Variants in MGAT4C observed in about 807,000 individuals in gnomAD.
The protein encoded by MGAT4C is MGAT4 family member C.
A neutral mutation model predicts 40.1 loss-of-function variants in MGAT4C; 19 were observed. That is an observed-to-expected ratio of 0.47 (90% CI 0.33 to 0.70). The LOEUF (loss-of-function observed/expected upper bound fraction) is 0.70, where lower values mean the gene tolerates loss of function less well. Ranked by LOEUF, MGAT4C falls within the 30% of genes least tolerant of loss-of-function variation. The pLI, the probability that MGAT4C is intolerant of heterozygous loss-of-function variation, is 0.02. For missense variants in MGAT4C, 491 were observed against 563.2 expected (o/e 0.87, Z 1.30); for synonymous variants, 181 against 187.1 (o/e 0.97, Z 0.27).
intron 1 of MGAT4C, among the ~76,000 whole-genome samples, chr12:86,115,531 A>C (rs1878268415): frequency 1.3e-5 from 2 of 152,124 alleles, no homozygotes; most frequent in Admixed American, 1.3e-4. Flanking sequence ...TTGATTATAG[A>C]GAACATTAAC....
intron 2 of MGAT4C, among the ~76,000 whole-genome samples, chr12:86,494,083 AC>A (rs562285790): frequency 2.8e-4 from 43 of 152,112 alleles, no homozygotes; most frequent in African/African-American, 9.9e-4. Context: ...AAGATGTAAA[AC>A]CTTTCATTCA....
intron 1 of MGAT4C, among the ~76,000 whole-genome samples, chr12:86,199,941 T>G (rs1048960054): frequency 1.3e-5 from 2 of 152,010 alleles, no homozygotes; most frequent in African/African-American, 4.8e-5. Flanking sequence ...TTTTGACACA[T>G]GAATGCACAG....
At chr12:86,242,846 C>G (rs551901899) in intron 1 of MGAT4C, among the ~76,000 whole-genome samples, 1 of 152,236 alleles carries the variant, frequency 6.6e-6, no homozygotes, top group South Asian at 2.1e-4. Context: ...CCTATGGGCT[C>G]TAATGGCTCT....
chr12:86,234,016 A>C (rs1409647711), intron 1 of MGAT4C, among the ~76,000 whole-genome samples: 1 of 152,140 alleles, frequency 6.6e-6, no homozygotes, highest in Non-Finnish European at 1.5e-5. Context: ...ATTTGATATT[A>C]ATTTATTTTA....
chr12:86,507,238 G>A (rs899915510), intron 2 of MGAT4C, among the ~76,000 whole-genome samples: 2 of 152,094 alleles, frequency 1.3e-5, no homozygotes, highest in Non-Finnish European at 2.9e-5. Context: ...TTTTACTTCC[G>A]AGAGTGGATA....
intron 2 of MGAT4C, among the ~76,000 whole-genome samples, chr12:86,596,061 C>T (rs548363857): frequency 6.6e-6 from 1 of 152,188 alleles, no homozygotes; most frequent in South Asian, 2.1e-4. Context: ...ACATATATCT[C>T]ATCTAAAACA....
At chr12:86,291,745 G>T (rs1953523717) in intron 4 of MGAT4C, among the ~76,000 whole-genome samples, 1 of 152,134 alleles carries the variant, frequency 6.6e-6, no homozygotes, top group African/African-American at 2.4e-5. Flanking sequence ...GTGCAAAAGT[G>T]ATGGCAAAAC....
At chr12:86,548,951 C>G (rs1478614744) in intron 2 of MGAT4C, among the ~76,000 whole-genome samples, 1 of 152,132 alleles carries the variant, frequency 6.6e-6, no homozygotes, top group African/African-American at 2.4e-5. Flanking sequence ...TAACCTGGCT[C>G]TACTGCTAAC....
At chr12:86,324,900 T>G (rs914868307) in intron 4 of MGAT4C, among the ~76,000 whole-genome samples, 1 of 152,138 alleles carries the variant, frequency 6.6e-6, no homozygotes, top group Non-Finnish European at 1.5e-5. Context: ...AATAACCACT[T>G]CCTAATGATT....
upstream of MGAT4C, chr12:86,838,889 A>G (rs909786309): frequency 6.6e-6 from 1 of 152,222 alleles, no homozygotes; most frequent in Non-Finnish European, 1.5e-5. Flanking sequence ...TCCTGTGTGC[A>G]TAGAGCAGTG....
At chr12:86,522,086 CCCTTT>C in intron 2 of MGAT4C, among the ~76,000 whole-genome samples, 1 of 152,054 alleles carries the variant, frequency 6.6e-6, no homozygotes, top group East Asian at 1.9e-4. Flanking sequence ...AATTTGGATG[CCCTTT>C]ATCTCTTTCT....
At chr12:86,275,420 G>A (rs1953050173) in intron 4 of MGAT4C, among the ~76,000 whole-genome samples, 1 of 152,144 alleles carries the variant, frequency 6.6e-6, no homozygotes, top group African/African-American at 2.4e-5. Context: ...AATAATGAAT[G>A]TTAAGCAATC....
At chr12:86,119,754 G>T (rs1318143450) in intron 1 of MGAT4C, among the ~76,000 whole-genome samples, 1 of 147,206 alleles carries the variant, frequency 6.8e-6, no homozygotes, top group Non-Finnish European at 1.5e-5. Flanking sequence ...ATAGAAATAG[G>T]AGTCTTGCTA....
At chr12:86,494,064 A>G (rs1958190578) in intron 2 of MGAT4C, among the ~76,000 whole-genome samples, 1 of 152,062 alleles carries the variant, frequency 6.6e-6, no homozygotes, top group Non-Finnish European at 1.5e-5. Flanking sequence ...TGTAATCACC[A>G]TAACAATCAA....
At chr12:86,076,871 AG>A (rs2135531331) in intron 1 of MGAT4C, among the ~76,000 whole-genome samples, 1 of 152,270 alleles carries the variant, frequency 6.6e-6, no homozygotes, top group East Asian at 1.9e-4. Context: ...AGCCATCTGC[AG>A]GCTGAGGAGC....
chr12:86,327,471 G>T (rs1056719504), intron 4 of MGAT4C, among the ~76,000 whole-genome samples: 2 of 151,982 alleles, frequency 1.3e-5, no homozygotes, highest in Non-Finnish European at 2.9e-5. Context: ...CTTTCTTAAA[G>T]CTGTGTAAAC....
At chr12:86,806,245 A>G (rs1952350770) in intron 1 of MGAT4C, among the ~76,000 whole-genome samples, 1 of 151,918 alleles carries the variant, frequency 6.6e-6, no homozygotes, top group Admixed American at 6.6e-5. Flanking sequence ...TTTTATTAGA[A>G]TTTTTATCAA....
In MGAT4C at chr12:86,175,907, C is replaced by T. The variant is rs529434891; in HGVS notation, c.-57+80332G>A. Among the ~76,000 whole-genome samples the T allele has an allele frequency of 9.9e-5, 15 of 151,998 alleles. No individual in the cohort carries two copies. In the East Asian group the frequency reaches 2.7e-3, roughly 28 times the overall value. ...AATGGCGTGAACCCTGGAGGCAGAG[C>T]TTGCAGTGAGCCGATATCGCGCCAC... On this transcript the variant is annotated intron_variant, in intron 1 of 4. Coordinates refer to ENST00000611864, the MANE Select transcript of MGAT4C (RefSeq NM_001351288.2).
chr12:86,139,987 T>C (rs1412483076), intron 1 of MGAT4C, among the ~76,000 whole-genome samples: 3 of 152,170 alleles, frequency 2.0e-5, no homozygotes, highest in Admixed American at 1.3e-4. Context: ...TAAAATAAAT[T>C]CTAAAAGTTT....
Sources: gnomAD v4.1 joint callset for allele counts (sites outside exome capture counted in the v4.1 genomes callset) on GRCh38, gnomAD v4.1.1 for gene constraint, MANE v1.5 for transcripts, NCBI Gene and HGNC (gene_info 2026-07-23, HGNC 2026-07-21) for gene names.